Variants in C16orf96 observed in about 807,000 individuals in gnomAD.
The protein encoded by C16orf96 is uncharacterized protein C16orf96.
In C16orf96, 108 loss-of-function variants were observed where a neutral mutation model predicts 103.6. That is an observed-to-expected ratio of 1.04 (90% confidence interval 0.89 to 1.22). The LOEUF is 1.22. Ranked by LOEUF, C16orf96 falls within the 50% of genes most tolerant of loss-of-function variation. The probability of loss-of-function intolerance (pLI) is 0.00; values close to 1 mark genes in which losing one functional copy is unlikely to be tolerated. For missense variants in C16orf96, 1,586 were observed against 1,464.2 expected, an observed-to-expected ratio of 1.08 and a Z score of -1.36; for synonymous variants, 566 against 593.5, an observed-to-expected ratio of 0.95 and a Z score of 0.67.
intron 1 of C16orf96, among the ~76,000 whole-genome samples, chr16:4,565,073 G>C (rs7202579): frequency 0.037 from 5,595 of 152,244 alleles, 361 homozygotes; most frequent in African/African-American, 0.13. Context: ...CTAGCTGCTT[G>C]TCTGAGGGGG....
intron 14 of C16orf96, among the ~76,000 whole-genome samples, chr16:4,597,188 G>T (rs568660855): frequency 6.6e-6 from 1 of 152,148 alleles, no homozygotes; most frequent in Non-Finnish European, 1.5e-5. Context: ...AGGACTGGCC[G>T]TTCCAGCCCC....
intron 2 of C16orf96, 77 bp downstream of exon 2, chr16:4,571,742 A>G: frequency 7.6e-7 from 1 of 1,321,178 alleles, no homozygotes; most frequent in Non-Finnish European, 1.0e-6. Flanking sequence ...AGGAAAATCT[A>G]GGAAGCTTAC....
chr16:4,542,240 C>T, the C16orf96 span, among the ~76,000 whole-genome samples: 9 of 152,250 alleles, frequency 5.9e-5, no homozygotes, highest in Middle Eastern at 3.4e-3. Context: ...TGGCTCATGC[C>T]CATAGTCCCA....
chr16:4,600,492 C>CCT lies in C16orf96; in HGVS notation c.*176_*177insTC. 1.1e-5 allele frequency: 5 copies of CCT among 472,918 alleles called. No individual in the cohort carries two copies. The highest frequency in any genetic ancestry group is 3.9e-5 in the East Asian group (1 of 25,668). The allele number at this position is 472,918 out of a possible 1,614,324, so 29.3% of individuals were successfully genotyped here. A position where few individuals can be genotyped will look rare whatever the true frequency, so the allele number is the denominator to read the frequency against. On this transcript the variant is annotated 3_prime_UTR_variant, in exon 16 of 16. Coordinates refer to ENST00000444310, the MANE Select transcript of C16orf96 (RefSeq NM_001145011.2). ...TGTCCGAGGCTGAGGCTCATGCGCCCCCCCCCATCCCTACCAAGTCCCCTC... is the reference window on the plus strand; with the variant it reads ...TGTCCGAGGCTGAGGCTCATGCGCCCCTCCCCCCATCCCTACCAAGTCCCCTC...
intron 7 of C16orf96, among the ~76,000 whole-genome samples, chr16:4,581,556 C>T (rs888075413): frequency 4.6e-5 from 7 of 151,638 alleles, no homozygotes; most frequent in Non-Finnish European, 7.4e-5. Context: ...TGGCATGAAC[C>T]TGGGAGGCAG....
chr16:4,556,675 C>G lies in C16orf96; in HGVS notation c.186C>G (p.Pro62=), dbSNP rs375638203. The part of the protein sequence containing the change: ...FLQTSQVVIM[P]REGDAQPILN... ...AGACCTCGCAGGTGGTCATCATGCC[C>G]AGGGAAGGAGACGCCCAGCCTATCC... is the stretch of plus-strand genomic sequence containing the variant. The change falls in exon 1 of 16, where the codon CCC becomes CCG. Residue 62 remains proline, a synonymous_variant. Coordinates refer to ENST00000444310, the MANE Select transcript of C16orf96 (RefSeq NM_001145011.2). The G allele has an allele frequency of 1.5e-5, 23 of 1,551,372 alleles. No homozygotes were observed. The highest frequency in any genetic ancestry group is 1.9e-5 in the Non-Finnish European group (22 of 1,146,790).
chr16:4,567,184 G>A (rs972846142), intron 1 of C16orf96, among the ~76,000 whole-genome samples: 2 of 151,526 alleles, frequency 1.3e-5, no homozygotes, highest in Non-Finnish European at 2.9e-5. Flanking sequence ...GCTGCATCCC[G>A]TAAGTTCTGG....
chr16:4,551,451 T>TGTTC (rs1205969030), upstream of C16orf96, among the ~76,000 whole-genome samples: 3 of 152,068 alleles, frequency 2.0e-5, no homozygotes, highest in African/African-American at 7.2e-5. Flanking sequence ...TCGGGACTTT[T>TGTTC]GTTTGTTTGT....
At chr16:4,551,500 G>A (rs899331478), upstream of C16orf96, among the ~76,000 whole-genome samples, 3 of 152,120 alleles carry the variant, frequency 2.0e-5, no homozygotes, top group African/African-American at 7.2e-5. Context: ...CGCCCAGGCT[G>A]GAGTGCAGTG....
chr16:4,557,045 C>T, intron 1 of C16orf96, 136 bp downstream of exon 1: 1 of 993,110 alleles, frequency 1.0e-6, no homozygotes, highest in Non-Finnish European at 1.4e-6. Flanking sequence ...TCTTGGCTCA[C>T]TGCAACCTCC....
rs1364774842 is a variant in C16orf96, at chr16:4,574,669, A to G, written c.526-40A>G. 4 of 1,506,538 alleles carry G rather than the reference A, an allele frequency of 2.7e-6. No homozygotes were observed. The Admixed American group carries it at 5.9e-5, about 22-fold the overall frequency. 93.3% of individuals were successfully genotyped at this position (1,506,538 alleles called of 1,614,324 possible). ...ACGGGAAAAGGCAGGGGTGGGACAGAACCTGGACCCCCAGTCCACAGACTC... is the reference window on the plus strand; with the variant it reads ...ACGGGAAAAGGCAGGGGTGGGACAGGACCTGGACCCCCAGTCCACAGACTC... On this transcript the variant is annotated intron_variant, in intron 2 of 15. Coordinates refer to ENST00000444310, the MANE Select transcript of C16orf96 (RefSeq NM_001145011.2).
intron 7 of C16orf96, among the ~76,000 whole-genome samples, chr16:4,580,830 A>C (rs965642944): frequency 2.0e-5 from 3 of 152,102 alleles, no homozygotes; most frequent in African/African-American, 7.2e-5. Context: ...TCTTCTAGAA[A>C]AATACAAAAT....
chr16:4,569,578 C>T (rs2059415005), intron 1 of C16orf96, among the ~76,000 whole-genome samples: 2 of 151,624 alleles, frequency 1.3e-5, no homozygotes, highest in Admixed American at 6.6e-5. Flanking sequence ...CATGGTGAAA[C>T]CCCATTAGCA....
rs752869219 is a variant in C16orf96 at position 4,576,190 on chromosome 16, C to A, written c.1710C>A (p.Ile570=). 50 of 1,550,348 alleles carry A rather than the reference C, an allele frequency of 3.2e-5. No individual in the cohort carries two copies. Among genetic ancestry groups the A allele is most frequent in the Non-Finnish European group, 3.7e-5 (43 of 1,146,996 alleles). Residue 570 remains isoleucine, a synonymous_variant, in exon 5 of 16, where the codon ATC becomes ATA. Transcript: ENST00000444310. ...ACCGGCTGAAAACCACCGCTGCCAT[C>A]GCCGCCGCTGCCGCCGCAGCCTACG... The part of the protein sequence containing the change: ...ALHRLKTTAA[I]AAAAAAAYAA...
upstream of C16orf96, among the ~76,000 whole-genome samples, chr16:4,555,230 T>C (rs1449326276): frequency 2.7e-5 from 4 of 149,720 alleles, no homozygotes; most frequent in East Asian, 8.5e-4. Context: ...GCCACTGCAC[T>C]CCTGCCTGGG....
chr16:4,559,558 A>AT (rs112378861), intron 1 of C16orf96, among the ~76,000 whole-genome samples: 1 of 151,284 alleles, frequency 6.6e-6, no homozygotes. Flanking sequence ...CTCAAAAAAA[A>AT]AAAATTAAAA....
intron 5 of C16orf96, among the ~76,000 whole-genome samples, chr16:4,577,791 A>T (rs1394001411): frequency 1.3e-5 from 2 of 152,140 alleles, no homozygotes; most frequent in Non-Finnish European, 2.9e-5. Context: ...CTCCGTCTCG[A>T]CTAAAAATAC....
At chr16:4,596,977 G>A (rs958470073) in intron 14 of C16orf96, among the ~76,000 whole-genome samples, 11 of 152,106 alleles carry the variant, frequency 7.2e-5, no homozygotes, top group African/African-American at 1.7e-4. Flanking sequence ...ATTTGTGCCC[G>A]ACCTAACCCA....
intron 9 of C16orf96, among the ~76,000 whole-genome samples, chr16:4,591,162 G>A (rs1897050496): frequency 6.6e-6 from 1 of 152,168 alleles, no homozygotes; most frequent in South Asian, 2.1e-4. Flanking sequence ...GCTCCAGCCT[G>A]GGCAACAGAG....
Sources: gnomAD v4.1 joint callset for allele counts (sites outside exome capture counted in the v4.1 genomes callset) on GRCh38, gnomAD v4.1.1 for gene constraint, MANE v1.5 for transcripts, NCBI Gene and HGNC (gene_info 2026-07-23, HGNC 2026-07-21) for gene names.